The following ARHGAP39 variants were observed in gnomAD, a reference collection of about 807,000 sequenced individuals.
ARHGAP39 encodes Rho GTPase activating protein 39.
ARHGAP39 carries 44 observed loss-of-function variants against 106.9 expected under a neutral mutation model. That is an observed-to-expected ratio of 0.41 (90% CI 0.32 to 0.53). ARHGAP39 has a LOEUF of 0.53. Among genes scored for constraint, ARHGAP39 ranks in the 20% least tolerant of loss-of-function variants. ARHGAP39 has a pLI of 0.21. For synonymous variants in ARHGAP39, 768 were observed against 693.2 expected (o/e 1.11, Z -1.69); for missense variants, 1,496 against 1,577.3 (o/e 0.95, Z 0.87).
At chr8:144,621,032 GCCAGA>G (rs1318306663) in intron 1 of ARHGAP39, among the ~76,000 whole-genome samples, 8 of 152,282 alleles carry the variant, frequency 5.3e-5, no homozygotes, top group Non-Finnish European at 8.8e-5. Context: ...GTTGGAGGGG[GCCAGA>G]CTCACCACCC....
chr8:144,600,517 CGTG>C (rs1819834266), intron 2 of ARHGAP39, among the ~76,000 whole-genome samples: 1 of 123,516 alleles, frequency 8.1e-6, no homozygotes, highest in Non-Finnish European at 1.7e-5. Flanking sequence ...CCTGCGTGTG[CGTG>C]GAGGCGTGCG....
chr8:144,691,083 AGCTCTTCTCCCC>A, the ARHGAP39 span, among the ~76,000 whole-genome samples: 1 of 152,108 alleles, frequency 6.6e-6, no homozygotes, highest in African/African-American at 2.4e-5. Flanking sequence ...CTTTCTTGGC[AGCTCTTCTCCCC>A]GAGTCTCACC....
At chr8:144,600,484 G>A (rs534578728) in intron 2 of ARHGAP39, among the ~76,000 whole-genome samples, 30 of 147,774 alleles carry the variant, frequency 2.0e-4, no homozygotes, top group African/African-American at 4.5e-4. Flanking sequence ...GCATCGAGGC[G>A]TGTGTGCACA....
intron 2 of ARHGAP39, among the ~76,000 whole-genome samples, chr8:144,601,816 G>A (rs757192067): frequency 2.3e-5 from 3 of 132,868 alleles, no homozygotes; most frequent in Admixed American, 7.9e-5. Context: ...TGTGTGTGTG[G>A]AGGCGTGTGT....
At chr8:144,685,515 G>A (rs988160465) in intron 1 of ARHGAP39, among the ~76,000 whole-genome samples, 171 bp downstream of exon 1, 1 of 102,002 alleles carries the variant, frequency 9.8e-6, no homozygotes, top group Non-Finnish European at 2.0e-5. Context: ...CTCCCTCCAC[G>A]GCCCAGTCAC....
chr8:144,615,194 G>A (rs544672429), intron 1 of ARHGAP39, among the ~76,000 whole-genome samples: 13 of 152,088 alleles, frequency 8.5e-5, no homozygotes, highest in Non-Finnish European at 1.8e-4. Context: ...GGTGGCACAC[G>A]CCTGTGGTCC....
chr8:144,563,399 CAA>C (rs1258922018), intron 3 of ARHGAP39, among the ~76,000 whole-genome samples: 1 of 152,108 alleles, frequency 6.6e-6, no homozygotes, highest in African/African-American at 2.4e-5. Flanking sequence ...TTCGCAGTGG[CAA>C]AGTTTTATTG....
chr8:144,530,325 G>T lies in ARHGAP39; in HGVS notation c.*97C>A. 7.4e-7 allele frequency: 1 copy of T among 1,353,766 alleles called. No homozygotes were observed. Among genetic ancestry groups the T allele is most frequent in the Non-Finnish European group, 1.0e-6 (1 of 994,476 alleles). The allele number at this position is 1,353,766 out of a possible 1,614,324, so 83.9% of individuals were successfully genotyped here. A position where few individuals can be genotyped will look rare whatever the true frequency, so the allele number is the denominator to read the frequency against. ...GGGGAGTGGAGGGGGCTCCAGGGCT[G>T]GGCCGGGCGATTCTGGCCCCTCTGC... On this transcript the variant is annotated 3_prime_UTR_variant, in exon 12 of 12. Transcript: ENST00000377307.
rs1248589914 is a variant in ARHGAP39 at position 144,585,443 on chromosome 8, G to A, written c.81-4166C>T. Among the ~76,000 whole-genome samples, 6 of 151,022 alleles carry A rather than the reference G, an allele frequency of 4.0e-5. No homozygotes were observed. The highest frequency in any genetic ancestry group is 7.4e-5 in the Non-Finnish European group (5 of 67,768). On this transcript the variant is annotated intron_variant, in intron 2 of 11. Transcript: ENST00000377307. This position sits in a 1 kb window ranked among gnomAD's most constrained non-coding sequence, Gnocchi z 4.6. ...CAGGGGTACCCAGCACCGGCTCACC[G>A]AGAACCTGGAGGGGCCAGCCAAGGG...
rs542816211 is a variant in ARHGAP39, at chr8:144,595,508, T to C, written c.80+10027A>G. 4.6e-5 allele frequency among the ~76,000 whole-genome samples: 7 copies of C among 152,186 alleles called. No individual in the cohort carries two copies. The East Asian group carries it at 1.2e-3, about 25-fold the overall frequency. ...TCTGACTGTTCTAAGAGCCACTGGATTGTGCACCTTACAGGGTGAGCTTTG... is the reference window on the plus strand; with the variant it reads ...TCTGACTGTTCTAAGAGCCACTGGACTGTGCACCTTACAGGGTGAGCTTTG... On this transcript the variant is annotated intron_variant, in intron 2 of 11. Coordinates refer to ENST00000377307, the MANE Select transcript of ARHGAP39 (RefSeq NM_025251.3).
At chr8:144,642,634 G>C (rs1821341091) in intron 1 of ARHGAP39, among the ~76,000 whole-genome samples, 1 of 152,112 alleles carries the variant, frequency 6.6e-6, no homozygotes, top group Admixed American at 6.5e-5. Context: ...CTGAATCATG[G>C]GGACGGGTCT....
chr8:144,530,020 AG>A lies in ARHGAP39; in HGVS notation c.*401del, dbSNP rs904040978. On this transcript the variant is annotated 3_prime_UTR_variant, in exon 12 of 12. Transcript: ENST00000377307. ...AGCTGCAGGCCAGGACGAGGACAGG[AG>A]AAAGGGAAGGAGAGACCGGGGCGGC... 145 of 200,392 alleles carry A rather than the reference AG, an allele frequency of 7.2e-4. 1 individual carries two copies. The highest frequency in any genetic ancestry group is 3.1e-3 in the African/African-American group (130 of 42,202). 12.4% of individuals were successfully genotyped at this position (200,392 alleles called of 1,614,324 possible). A position where few individuals can be genotyped will look rare whatever the true frequency, so the allele number is the denominator to read the frequency against.
intron 3 of ARHGAP39, among the ~76,000 whole-genome samples, chr8:144,576,512 G>A (rs1003708553): frequency 2.0e-5 from 3 of 152,160 alleles, no homozygotes; most frequent in African/African-American, 7.2e-5. Context: ...GCAGGGCTAA[G>A]GCCAGACCCA....
chr8:144,593,896 T>C (rs1329573349), intron 2 of ARHGAP39, among the ~76,000 whole-genome samples: 2 of 152,042 alleles, frequency 1.3e-5, no homozygotes, highest in Admixed American at 1.3e-4. Context: ...CAAGACCAGT[T>C]TGGCCAACAT....
At chr8:144,607,235 C>CA (rs1167793437) in intron 1 of ARHGAP39, among the ~76,000 whole-genome samples, 7,821 of 47,242 alleles carry the variant, frequency 0.17, 913 homozygotes, top group African/African-American at 0.32. Context: ...GACATTGTCT[C>CA]AAAAAAAAAA....
chr8:144,563,067 G>T (rs2130872255), intron 3 of ARHGAP39, among the ~76,000 whole-genome samples: 3 of 152,324 alleles, frequency 2.0e-5, no homozygotes, highest in Middle Eastern at 6.8e-3. Context: ...TACTAATTTT[G>T]TATGACCTGA....
At position 144,547,752 on chromosome 8, in the gene ARHGAP39, G is replaced by A. The variant is rs777139831; in HGVS notation, c.1334C>T (p.Ser445Phe). ...LLRDQRLGVK[S>F]GDYSTMEGPE... ...TCCCTCCATGGTGCTGTAGTCTCCG[G>A]ACTTGACGCCCAGGCGCTGGTCCCT... Residue 445 changes from serine to phenylalanine, a missense_variant, in exon 5 of 12, where the codon TCC becomes TTC. Coordinates refer to ENST00000377307, the MANE Select transcript of ARHGAP39 (RefSeq NM_025251.3). This position sits in a 1 kb window ranked among gnomAD's most constrained non-coding sequence, Gnocchi z 5.2. 11 of 1,598,792 alleles carry A rather than the reference G, an allele frequency of 6.9e-6. No individual in the cohort carries two copies. In the East Asian group the frequency reaches 2.2e-4, roughly 33 times the overall value.
the ARHGAP39 span, among the ~76,000 whole-genome samples, chr8:144,697,104 C>A: frequency 6.6e-6 from 1 of 152,142 alleles, no homozygotes; most frequent in Admixed American, 6.5e-5. Flanking sequence ...GCAGGCGGAT[C>A]ACTTGAAGTC....
chr8:144,548,480 C>T lies in ARHGAP39; in HGVS notation c.606G>A (p.Ser202=), dbSNP rs1564842144. 3 of 1,609,078 alleles carry T rather than the reference C, an allele frequency of 1.9e-6. No homozygotes were observed. The highest frequency in any genetic ancestry group is 2.5e-6 in the Non-Finnish European group (3 of 1,179,238). Residue 202 remains serine, a synonymous_variant, in exon 5 of 12, where the codon TCG becomes TCA. Coordinates refer to ENST00000377307, the MANE Select transcript of ARHGAP39 (RefSeq NM_025251.3). This position sits in a 1 kb window ranked among gnomAD's most constrained non-coding sequence, Gnocchi z 7.4. Reference sequence around the variant, plus strand: ...CTTTGGCGCCCGAGTTCCACCGCAGCGAGGAGGTCCTGCGTGGGGGGTGGA... The same window carrying T: ...CTTTGGCGCCCGAGTTCCACCGCAGTGAGGAGGTCCTGCGTGGGGGGTGGA... ...DGQLLHYRTS[S]LRWNSGAKER...
Sources: gnomAD v4.1 joint callset for allele counts (sites outside exome capture counted in the v4.1 genomes callset) on GRCh38, gnomAD v4.1.1 for gene constraint, Gnocchi (gnomAD v3.1) non-coding constraint, MANE v1.5 for transcripts, NCBI Gene and HGNC (gene_info 2026-07-23, HGNC 2026-07-21) for gene names.